ABCA13: variants seen among roughly 807,000 people sequenced by gnomAD.
The protein encoded by ABCA13 is ATP binding cassette subfamily A member 13, also known as ATP-binding cassette sub-family A member 13.
A neutral mutation model predicts 478.7 loss-of-function variants in ABCA13; 476 were observed. The ratio of observed to expected loss-of-function variants is 0.99; its 90% CI spans 0.92 to 1.07. The LOEUF is 1.07. Among genes scored for constraint, ABCA13 ranks in the 50% least tolerant of loss-of-function variants. ABCA13 has a pLI of 0.00. For synonymous variants in ABCA13, 2,252 were observed against 2,158.9 expected, an observed-to-expected ratio of 1.04 and a Z score of -1.20; for missense variants, 6,060 against 5,910.6, an observed-to-expected ratio of 1.03 and a Z score of -0.83.
chr7:48,365,188 C>T lies in ABCA13; in HGVS notation c.10689-2606C>T, dbSNP rs1247040579. On this transcript the variant is annotated intron_variant, in intron 31 of 61. Coordinates refer to ENST00000435803, the MANE Select transcript of ABCA13 (RefSeq NM_152701.5). ...TGATGTTCAGCATATATTTGTATAA[C>T]TGTTGGCCATTTGTGGTCGTTTATT... Among the ~76,000 whole-genome samples, 3 of 152,158 alleles carry T rather than the reference C, an allele frequency of 2.0e-5. No homozygotes were observed. The South Asian group carries it at 6.2e-4, about 32-fold the overall frequency.
At chr7:48,450,967 ATATTCTTTTTTTT>A (rs1824934856) in intron 42 of ABCA13, among the ~76,000 whole-genome samples, 2 of 112,616 alleles carry the variant, frequency 1.8e-5, no homozygotes, top group Admixed American at 1.8e-4. Context: ...TCTTGTTATT[ATATTCTTTTTTTT>A]TTTTCTTTTC....
At chr7:48,489,168 A>G in intron 47 of ABCA13, 68 bp from the exon 48 acceptor site, 1 of 1,324,166 alleles carries the variant, frequency 7.6e-7, no homozygotes, top group Non-Finnish European at 1.1e-6. Flanking sequence ...CTTAAATCCC[A>G]GAATAGTTGA....
intron 27 of ABCA13, among the ~76,000 whole-genome samples, chr7:48,320,961 A>C (rs1803359317): frequency 1.3e-5 from 2 of 152,222 alleles, no homozygotes; most frequent in African/African-American, 4.8e-5. Context: ...TTCAGAAAAT[A>C]GTAAACCAAT....
chr7:48,430,672 TA>T (rs36121642), intron 42 of ABCA13, among the ~76,000 whole-genome samples: 128 of 122,798 alleles, frequency 1.0e-3, no homozygotes, highest in East Asian at 2.7e-3. Context: ...AGACTCCGTC[TA>T]AAAAAAAAAA....
rs112606040 is a variant in ABCA13 at position 48,313,101 on chromosome 7, A to T, written c.9551A>T (p.Asn3184Ile). 2 of 1,609,104 alleles carry T rather than the reference A, an allele frequency of 1.2e-6. No homozygotes were observed. The highest frequency in any genetic ancestry group is 2.2e-5 in the East Asian group (1 of 44,744). ...CCTTCTGAAGCAAATGGCTTGCTCA[A>T]CTCCTTGCTGGATATAGTTTCCAGC... The part of the protein sequence containing the change: ...LMPSEANGLL[N>I]SLLDIVSSLS... The change falls in exon 25 of 62, where the codon AAC becomes ATC. Residue 3184 changes from asparagine to isoleucine, a missense_variant. Coordinates refer to ENST00000435803, the MANE Select transcript of ABCA13 (RefSeq NM_152701.5).
At chr7:48,284,767 A>G (rs566425805) in intron 19 of ABCA13, among the ~76,000 whole-genome samples, 2 of 152,282 alleles carry the variant, frequency 1.3e-5, no homozygotes, top group African/African-American at 4.8e-5. Context: ...CATAACTAAC[A>G]TTTAAACTGC....
At chr7:48,605,902 T>C (rs1791419284) in intron 58 of ABCA13, among the ~76,000 whole-genome samples, 1 of 152,206 alleles carries the variant, frequency 6.6e-6, no homozygotes, top group African/African-American at 2.4e-5. Flanking sequence ...TTGGATGCTT[T>C]CTTCATTTCT....
intron 31 of ABCA13, among the ~76,000 whole-genome samples, chr7:48,359,137 G>T (rs1043090193): frequency 6.6e-6 from 1 of 151,934 alleles, no homozygotes; most frequent in Non-Finnish European, 1.5e-5. Context: ...CTTGTAGTGC[G>T]CAGTGAATTA....
chr7:48,348,554 TCTTAA>T (rs1226449507), intron 29 of ABCA13, among the ~76,000 whole-genome samples: 1 of 152,250 alleles, frequency 6.6e-6, no homozygotes, highest in African/African-American at 2.4e-5. Context: ...AGTTTGACGG[TCTTAA>T]CTTAACCAGG....
In ABCA13 at chr7:48,352,608, C is replaced by T. The variant is rs1424032131; in HGVS notation, c.10688+121C>T. 7 of 1,184,018 alleles carry T rather than the reference C, an allele frequency of 5.9e-6. No individual in the cohort carries two copies. The East Asian group carries it at 1.8e-4, about 31-fold the overall frequency. The allele number at this position is 1,184,018 out of a possible 1,614,324, so 73.3% of individuals were successfully genotyped here. ...AAAGCACTGTTAAAAAAGTTCACCC[C>T]CCACTTTTTAATTTCGTAAGGTTCA... On this transcript the variant is annotated intron_variant, in intron 31 of 61. Coordinates refer to ENST00000435803, the MANE Select transcript of ABCA13 (RefSeq NM_152701.5).
intron 43 of ABCA13, among the ~76,000 whole-genome samples, chr7:48,455,532 A>G (rs563800815): frequency 1.3e-5 from 2 of 152,074 alleles, no homozygotes; most frequent in South Asian, 4.2e-4. Flanking sequence ...ACCCCTCCTC[A>G]TGGTGGCCGA....
At chr7:48,636,537 G>C (rs546493712) in intron 59 of ABCA13, among the ~76,000 whole-genome samples, 2 of 152,194 alleles carry the variant, frequency 1.3e-5, no homozygotes, top group Non-Finnish European at 2.9e-5. Flanking sequence ...CTCCTGGTGA[G>C]TCAGAGGCCT....
At chr7:48,392,890 C>T (rs1299917960) in intron 38 of ABCA13, among the ~76,000 whole-genome samples, 13 of 152,182 alleles carry the variant, frequency 8.5e-5, no homozygotes, top group African/African-American at 1.9e-4. Context: ...AGAGAACTCC[C>T]GGTAGGGTCA....
rs1813506191 is a variant in ABCA13 at position 48,376,496 on chromosome 7, C to T, written c.11259C>T (p.Gly3753=). The change falls in exon 35 of 62, where the codon GGC becomes GGT. Residue 3753 remains glycine, a synonymous_variant. Transcript: ENST00000435803. ...QALEQGGMTF[G]WVCWMILFDS... ...TGGAACAAGGGGGCATGACATTTGGCTGGGTTTGCTGGATGATTCTTTTTG... is the reference window on the plus strand; with the variant it reads ...TGGAACAAGGGGGCATGACATTTGGTTGGGTTTGCTGGATGATTCTTTTTG... 1 of 1,613,824 alleles carries T rather than the reference C, an allele frequency of 6.2e-7. No homozygotes were observed. The highest frequency in any genetic ancestry group is 8.5e-7 in the Non-Finnish European group (1 of 1,179,832).
In ABCA13 at chr7:48,354,684, A is replaced by G. The variant is rs539487140; in HGVS notation, c.10688+2197A>G. 1.1e-4 allele frequency among the ~76,000 whole-genome samples: 17 copies of G among 152,186 alleles called. No homozygotes were observed. The South Asian group carries it at 3.1e-3, about 28-fold the overall frequency. ...AGAAGTATTGCTTTATTTCTTTGAG[A>G]AAGATGAAGAAGTATTTTAATTCTC... is the stretch of plus-strand genomic sequence containing the variant. On this transcript the variant is annotated intron_variant, in intron 31 of 61. Transcript: ENST00000435803.
chr7:48,511,513 A>G (rs1831681814), intron 51 of ABCA13, among the ~76,000 whole-genome samples: 1 of 152,188 alleles, frequency 6.6e-6, no homozygotes, highest in South Asian at 2.1e-4. Flanking sequence ...CAGGGGCTCA[A>G]ATACATAATC....
Position 48,193,068 on chromosome 7 carries a change from T to C in ABCA13, c.163+16T>C. On this transcript the variant is annotated intron_variant, in intron 2 of 61. Transcript: ENST00000435803. Reference sequence around the variant, plus strand: ...AGAGACATTTGTAAGTTTCACTTTTTAATATACTTTTTGAATTAACCTTTG... The same window carrying C: ...AGAGACATTTGTAAGTTTCACTTTTCAATATACTTTTTGAATTAACCTTTG... The C allele has an allele frequency of 6.7e-7, 1 of 1,503,146 alleles. No individual in the cohort carries two copies. The highest frequency in any genetic ancestry group is 8.9e-7 in the Non-Finnish European group (1 of 1,126,680). 93.1% of individuals were successfully genotyped at this position (1,503,146 alleles called of 1,614,324 possible).
chr7:48,376,341 C>A, intron 34 of ABCA13, 100 bp from the exon 35 acceptor site: 1 of 1,438,570 alleles, frequency 7.0e-7, no homozygotes. Context: ...TAGTTCTGTT[C>A]AACTTCACTT....
chr7:48,459,171 G>C (rs569495906), intron 43 of ABCA13, among the ~76,000 whole-genome samples: 1 of 152,158 alleles, frequency 6.6e-6, no homozygotes, highest in East Asian at 1.9e-4. Flanking sequence ...AATTAGAGGA[G>C]GGTGGTGCAT....
Sources: gnomAD v4.1 joint callset for allele counts (sites outside exome capture counted in the v4.1 genomes callset) on GRCh38, gnomAD v4.1.1 for gene constraint, MANE v1.5 for transcripts, NCBI Gene and HGNC (gene_info 2026-07-23, HGNC 2026-07-21) for gene names.